The following PDZRN3 variants were observed in gnomAD, a reference collection of about 807,000 sequenced individuals.
PDZRN3 encodes the protein E3 ubiquitin-protein ligase PDZRN3.
A neutral mutation model predicts 85.7 loss-of-function variants in PDZRN3; 38 were observed. The observed-to-expected ratio is 0.44, with a 90% CI of 0.34 to 0.58. The LOEUF (loss-of-function observed/expected upper bound fraction) is 0.58, where lower values mean the gene tolerates loss of function less well. PDZRN3 is among the 20% of genes least tolerant of loss of function. The probability of loss-of-function intolerance (pLI) is 0.01; values close to 1 mark genes in which losing one functional copy is unlikely to be tolerated. For synonymous variants in PDZRN3, 759 were observed against 638.0 expected, an observed-to-expected ratio of 1.19 and a Z score of -2.86; for missense variants, 1,629 against 1,506.4, an observed-to-expected ratio of 1.08 and a Z score of -1.35.
In PDZRN3 at chr3:73,608,647, C is replaced by T. The variant is rs200981678; in HGVS notation, c.761G>A (p.Arg254Gln). The change falls in exon 2 of 10, where the codon CGG (arginine) becomes CAG (glutamine). Residue 254 changes from arginine (R) to glutamine (Q), a missense_variant. Transcript: ENST00000263666. ...ATTGAATCCCAGGGAGCCGGAGTCCCGATGCAGGACAAGAGTCAGACTTTT... is the reference window on the plus strand; with the variant it reads ...ATTGAATCCCAGGGAGCCGGAGTCCTGATGCAGGACAAGAGTCAGACTTTT... ...ETKSLTLVLH[R>Q]DSGSLGFNII... 37 of 1,612,824 alleles carry T rather than the reference C, an allele frequency of 2.3e-5. No homozygotes were observed. The highest frequency in any genetic ancestry group is 1.2e-5 in the Non-Finnish European group (14 of 1,179,418).
chr3:73,513,068 C>T (rs765472625), intron 3 of PDZRN3, among the ~76,000 whole-genome samples: 15 of 152,056 alleles, frequency 9.9e-5, no homozygotes, highest in East Asian at 1.9e-4. Flanking sequence ...TAGGGTGTTG[C>T]GGAGGCTGCA....
intron 6 of PDZRN3, 98 bp from the exon 7 acceptor site, chr3:73,389,976 C>T (rs1416477793): frequency 8.0e-6 from 7 of 869,852 alleles, no homozygotes; most frequent in Admixed American, 1.7e-5. Context: ...TCATGCTCAC[C>T]CCTGTGTTTC....
chr3:73,537,928 A>G (rs958850661), intron 3 of PDZRN3, among the ~76,000 whole-genome samples: 3 of 152,130 alleles, frequency 2.0e-5, no homozygotes, highest in Non-Finnish European at 4.4e-5. Flanking sequence ...GCCTGGTACA[A>G]CTGTTATCTT....
At chr3:73,442,339 A>G (rs1702655119) in intron 3 of PDZRN3, among the ~76,000 whole-genome samples, 1 of 152,286 alleles carries the variant, frequency 6.6e-6, no homozygotes, top group South Asian at 2.1e-4. Flanking sequence ...TGCATGTTTC[A>G]AAGTCCTAGG....
intron 2 of PDZRN3, among the ~76,000 whole-genome samples, chr3:73,602,768 C>T (rs1263565558): frequency 6.6e-6 from 1 of 152,178 alleles, no homozygotes; most frequent in Non-Finnish European, 1.5e-5. Context: ...CATCATATTC[C>T]TAAATATGCA....
At chr3:73,481,123 C>T (rs1356718464) in intron 3 of PDZRN3, among the ~76,000 whole-genome samples, 9 of 152,204 alleles carry the variant, frequency 5.9e-5, no homozygotes, top group Non-Finnish European at 1.0e-4. Context: ...GCTCTCACCT[C>T]TATGCATACA....
chr3:73,574,726 G>A (rs1414767122), intron 3 of PDZRN3, among the ~76,000 whole-genome samples: 1 of 152,180 alleles, frequency 6.6e-6, no homozygotes, highest in Non-Finnish European at 1.5e-5. Context: ...CCCAAAGGGG[G>A]AACAAGCACT....
At chr3:73,475,624 C>T (rs566694207) in intron 3 of PDZRN3, among the ~76,000 whole-genome samples, 1 of 152,288 alleles carries the variant, frequency 6.6e-6, no homozygotes, top group Non-Finnish European at 1.5e-5. Context: ...GAATCCATCC[C>T]CAGAAAATCG....
At chr3:73,548,858 G>A (rs865999434) in intron 3 of PDZRN3, among the ~76,000 whole-genome samples, 1 of 152,114 alleles carries the variant, frequency 6.6e-6, no homozygotes, top group African/African-American at 2.4e-5. Flanking sequence ...GAAGACATAA[G>A]GAAAAATGGA....
At chr3:73,533,599 A>G (rs1207652996) in intron 3 of PDZRN3, among the ~76,000 whole-genome samples, 1 of 152,142 alleles carries the variant, frequency 6.6e-6, no homozygotes, top group Non-Finnish European at 1.5e-5. Flanking sequence ...TATGTTGGGA[A>G]CGTATCCCAT....
intron 3 of PDZRN3, among the ~76,000 whole-genome samples, chr3:73,427,073 G>A (rs773937255): frequency 1.3e-5 from 2 of 152,156 alleles, no homozygotes; most frequent in Non-Finnish European, 2.9e-5. Context: ...ATTATCCCAT[G>A]AGGCAGGCAA....
At chr3:73,586,750 A>G (rs902837901) in intron 3 of PDZRN3, among the ~76,000 whole-genome samples, 2 of 152,190 alleles carry the variant, frequency 1.3e-5, no homozygotes, top group Non-Finnish European at 2.9e-5. Context: ...AAGCTGATAC[A>G]AATCTCCTCA....
chr3:73,488,095 T>G (rs940736785), intron 3 of PDZRN3, among the ~76,000 whole-genome samples: 4 of 152,104 alleles, frequency 2.6e-5, no homozygotes, highest in African/African-American at 9.7e-5. Context: ...AGTTTTAAAT[T>G]AACTGCCACA....
intron 3 of PDZRN3, among the ~76,000 whole-genome samples, chr3:73,545,730 T>C (rs1051687248): frequency 7.9e-5 from 12 of 152,212 alleles, no homozygotes; most frequent in African/African-American, 2.9e-4. Context: ...GCTGGATCTT[T>C]AAACTTCTTG....
At chr3:73,471,314 T>G (rs1245992163) in intron 3 of PDZRN3, among the ~76,000 whole-genome samples, 4 of 152,116 alleles carry the variant, frequency 2.6e-5, no homozygotes. Context: ...CCCCCAGGTT[T>G]CACAAGGAAC....
chr3:73,562,083 TAC>T (rs1175618794), intron 3 of PDZRN3, among the ~76,000 whole-genome samples: 17 of 152,234 alleles, frequency 1.1e-4, no homozygotes, highest in African/African-American at 4.1e-4. Context: ...TGGTTTGATT[TAC>T]AGTTTCTAAA....
intron 5 of PDZRN3, among the ~76,000 whole-genome samples, chr3:73,392,546 A>G (rs1701549994): frequency 6.6e-6 from 1 of 152,216 alleles, no homozygotes; most frequent in South Asian, 2.1e-4. Flanking sequence ...TGCCTCCCAG[A>G]GTCACCAACA....
chr3:73,466,192 T>C (rs913321318), intron 3 of PDZRN3, among the ~76,000 whole-genome samples: 4 of 152,098 alleles, frequency 2.6e-5, no homozygotes, highest in African/African-American at 9.7e-5. Context: ...AACTCTCTAG[T>C]GAAGAAAACA....
intron 3 of PDZRN3, among the ~76,000 whole-genome samples, chr3:73,579,530 T>C (rs1346478830): frequency 6.6e-6 from 1 of 152,204 alleles, no homozygotes; most frequent in Non-Finnish European, 1.5e-5. Context: ...TCCAACAAAC[T>C]TATTTTAAAA....
Sources: allele counts gnomAD v4.1 joint callset (sites outside exome capture counted in the v4.1 genomes callset), GRCh38; gene constraint gnomAD v4.1.1; transcripts MANE v1.5; gene names NCBI Gene and HGNC (gene_info 2026-07-23, HGNC 2026-07-21).